CNTN2: variants seen among roughly 807,000 people sequenced by gnomAD.
CNTN2 encodes the protein contactin 2, also known as contactin-2.
Under a neutral mutation model 117.5 loss-of-function variants are expected in CNTN2, and 53 were observed. The ratio of observed to expected loss-of-function variants is 0.45; its 90% CI spans 0.36 to 0.57. The LOEUF (loss-of-function observed/expected upper bound fraction) is 0.57, where lower values mean the gene tolerates loss of function less well. Ranked by LOEUF, CNTN2 falls within the 20% of genes least tolerant of loss-of-function variation. The pLI, the probability that CNTN2 is intolerant of heterozygous loss-of-function variation, is 0.00. For missense variants in CNTN2, 1,106 were observed against 1,404.3 expected (o/e 0.79, Z 3.39); for synonymous variants, 530 against 561.7 (o/e 0.94, Z 0.80).
At chr1:205,050,278 A>AGTGT (rs3073631) in intron 1 of CNTN2, among the ~76,000 whole-genome samples, 20,545 of 145,282 alleles carry the variant, frequency 0.14, 1,496 homozygotes, top group South Asian at 0.21. Flanking sequence ...TAGAGCTCTG[A>AGTGT]GTGTGTGTGT....
At position 205,069,537 on chromosome 1, in the gene CNTN2, C is replaced by T. The variant is rs778894488; in HGVS notation, c.2172C>T (p.Pro724=). 1.9e-6 allele frequency: 3 copies of T among 1,613,870 alleles called. No individual in the cohort carries two copies. Among genetic ancestry groups the T allele is most frequent in the Non-Finnish European group, 2.5e-6 (3 of 1,180,020 alleles). Residue 724 remains proline, a synonymous_variant, in exon 17 of 23, where the codon CCC becomes CCT. Transcript: ENST00000331830. ...PSGLSGGGGA[P]GELIVNWTPM... Reference sequence around the variant, plus strand: ...GACTCAGCGGAGGAGGTGGAGCCCCCGGAGAGCTCATCGTCAACTGGACGG... The same window carrying T: ...GACTCAGCGGAGGAGGTGGAGCCCCTGGAGAGCTCATCGTCAACTGGACGG...
rs1048343223 is a variant in CNTN2, at chr1:205,059,561, T to C, written c.698-22T>C. 2.5e-6 allele frequency: 4 copies of C among 1,611,556 alleles called. No individual in the cohort carries two copies. The highest frequency in any genetic ancestry group is 3.3e-5 in the Admixed American group (2 of 59,984). On this transcript the variant is annotated intron_variant, in intron 6 of 22. Coordinates refer to ENST00000331830, the MANE Select transcript of CNTN2 (RefSeq NM_005076.5). This position sits in a 1 kb window ranked among gnomAD's most constrained non-coding sequence, Gnocchi z 5.6. ...TGACCTGGAGTCATCTGCATCTGAT[T>C]TGTAAAACCCTCTCTCCCCAGATAC...
Position 205,074,624 on chromosome 1 carries a change from C to A in CNTN2, c.*859C>A. 1 of 398,960 alleles carries A rather than the reference C, an allele frequency of 2.5e-6. No individual in the cohort carries two copies. The highest frequency in any genetic ancestry group is 4.4e-6 in the Non-Finnish European group (1 of 226,068). 24.7% of individuals were successfully genotyped at this position (398,960 alleles called of 1,614,324 possible). Reference sequence around the variant, plus strand: ...GTGGGGTCTCCCACCCCTCCAAGACCCATTCTGCACAGTCCCTCCAGGGTT... The same window carrying A: ...GTGGGGTCTCCCACCCCTCCAAGACACATTCTGCACAGTCCCTCCAGGGTT... On this transcript the variant is annotated 3_prime_UTR_variant, in exon 23 of 23. Coordinates refer to ENST00000331830, the MANE Select transcript of CNTN2 (RefSeq NM_005076.5).
chr1:205,058,071 G>A lies in CNTN2; in HGVS notation c.215+6G>A, dbSNP rs370377460. On this transcript the variant is annotated splice_donor_region_variant and intron_variant, in intron 3 of 22. Transcript: ENST00000331830. This position sits in a 1 kb window ranked among gnomAD's most constrained non-coding sequence, Gnocchi z 4.3. ...AGCCCTCCAGCCACCTATCGGTAAG[G>A]CCTCTGCAGTGGGTGCTGGGAGGCC... The A allele has an allele frequency of 7.2e-5, 116 of 1,612,916 alleles. No homozygotes were observed. Among genetic ancestry groups the A allele is most frequent in the Non-Finnish European group, 9.7e-5 (115 of 1,179,680 alleles).
intron 1 of CNTN2, among the ~76,000 whole-genome samples, chr1:205,045,698 T>C (rs1272673525): frequency 6.6e-6 from 1 of 152,098 alleles, no homozygotes; most frequent in Non-Finnish European, 1.5e-5. Flanking sequence ...GAAGAGGTGA[T>C]TGATATGCAG....
intron 2 of CNTN2, among the ~76,000 whole-genome samples, chr1:205,053,756 C>G (rs943498384): frequency 6.6e-6 from 1 of 152,258 alleles, no homozygotes; most frequent in African/African-American, 2.4e-5. Context: ...CCAGACAGGG[C>G]TCTGTAGTCC....
In CNTN2 at chr1:205,059,891, A is replaced by G; in HGVS notation, c.797+209A>G. ...CATATGCCAGGGGCCTTCCATGGCC[A>G]GGATCACTTGGTCTTCCAGCAGTGC... is the stretch of plus-strand genomic sequence containing the variant. On this transcript the variant is annotated intron_variant, in intron 7 of 22. Coordinates refer to ENST00000331830, the MANE Select transcript of CNTN2 (RefSeq NM_005076.5). This position sits in a 1 kb window ranked among gnomAD's most constrained non-coding sequence, Gnocchi z 5.6. 1.7e-6 allele frequency: 1 copy of G among 573,398 alleles called. No homozygotes were observed. Among genetic ancestry groups the G allele is most frequent in the Non-Finnish European group, 3.1e-6 (1 of 319,162 alleles). 35.5% of individuals were successfully genotyped at this position (573,398 alleles called of 1,614,324 possible). A position where few individuals can be genotyped will look rare whatever the true frequency, so the allele number is the denominator to read the frequency against.
In CNTN2 at chr1:205,074,598, G is replaced by A; in HGVS notation, c.*833G>A. The A allele has an allele frequency of 2.5e-6, 1 of 398,788 alleles. No homozygotes were observed. Among genetic ancestry groups the A allele is most frequent in the Non-Finnish European group, 4.4e-6 (1 of 226,104 alleles). 24.7% of individuals were successfully genotyped at this position (398,788 alleles called of 1,614,324 possible). A position where few individuals can be genotyped will look rare whatever the true frequency, so the allele number is the denominator to read the frequency against. On this transcript the variant is annotated 3_prime_UTR_variant, in exon 23 of 23. Coordinates refer to ENST00000331830, the MANE Select transcript of CNTN2 (RefSeq NM_005076.5). ...GCTGGGTGACTAAAGGGCTTGTCTTGGTGGGGTCTCCCACCCCTCCAAGAC... is the reference window on the plus strand; with the variant it reads ...GCTGGGTGACTAAAGGGCTTGTCTTAGTGGGGTCTCCCACCCCTCCAAGAC...
intron 19 of CNTN2, 126 bp from the exon 20 acceptor site, chr1:205,071,821 G>A (rs1654607577): frequency 2.3e-6 from 2 of 864,226 alleles, no homozygotes; most frequent in Admixed American, 6.3e-5. Context: ...TAGTCTCCAG[G>A]TTCTGAGGCC....
chr1:205,071,452 G>C (rs181921100), intron 19 of CNTN2, among the ~76,000 whole-genome samples: 2 of 152,336 alleles, frequency 1.3e-5, no homozygotes, highest in Non-Finnish European at 2.9e-5. Flanking sequence ...GCAAGCCACA[G>C]TGTGGAGATA....
chr1:205,073,266 C>T lies in CNTN2; in HGVS notation c.3013+30C>T, dbSNP rs371758318. 6 of 1,608,450 alleles carry T rather than the reference C, an allele frequency of 3.7e-6. No homozygotes were observed. The highest frequency in any genetic ancestry group is 3.3e-5 in the Admixed American group (2 of 59,818). On this transcript the variant is annotated intron_variant, in intron 22 of 22. Transcript: ENST00000331830. The surrounding 1 kb of genome is among the most constrained non-coding windows in gnomAD (Gnocchi z 6.3). Reference sequence around the variant, plus strand: ...TGCTCCTCCCCTACCCTTATCCCCTCGAGAGATTCAGGATCCACCCAGATA... The same window carrying T: ...TGCTCCTCCCCTACCCTTATCCCCTTGAGAGATTCAGGATCCACCCAGATA...
intron 2 of CNTN2, among the ~76,000 whole-genome samples, chr1:205,056,870 G>T (rs1387516751): frequency 6.6e-6 from 1 of 152,206 alleles, no homozygotes; most frequent in African/African-American, 2.4e-5. Context: ...AGAGGAGTCT[G>T]CCCCATTTGC....
intron 16 of CNTN2, chr1:205,068,063 C>G (rs942656394): frequency 1.3e-5 from 2 of 151,704 alleles, no homozygotes; most frequent in Non-Finnish European, 2.9e-5. Flanking sequence ...TCTTTGGGAG[C>G]AGATGGAATT....
chr1:205,050,358 A>G (rs978854010), intron 1 of CNTN2, among the ~76,000 whole-genome samples: 1 of 151,870 alleles, frequency 6.6e-6, no homozygotes, highest in African/African-American at 2.4e-5. Flanking sequence ...GCCCCCAGGA[A>G]GAACGGAAGA....
rs1653811298 is a variant in CNTN2, at chr1:205,058,910, C to T, written c.488-174C>T. On this transcript the variant is annotated intron_variant, in intron 5 of 22. Coordinates refer to ENST00000331830, the MANE Select transcript of CNTN2 (RefSeq NM_005076.5). The surrounding 1 kb of genome is among the most constrained non-coding windows in gnomAD (Gnocchi z 4.3). The stretch of plus-strand genomic sequence containing the variant: ...CGATCCCTGGCAGACTTAGCGCTCC[C>T]TGAGGGCAGGAATAAAGTCACTTCT... The T allele has an allele frequency of 2.8e-6, 2 of 706,070 alleles. No individual in the cohort carries two copies. The highest frequency in any genetic ancestry group is 3.8e-5 in the South Asian group (2 of 53,234). 43.7% of individuals were successfully genotyped at this position (706,070 alleles called of 1,614,324 possible).
chr1:205,061,254 C>A lies in CNTN2; in HGVS notation c.807C>A (p.Pro269=), dbSNP rs926391066. ...LECFAFGNPV[P]RIKWRKVDGS... is the part of the protein sequence containing the mutation. Reference sequence around the variant, plus strand: ...TTGTCTCTCCTGCCAGCCCTGTCCCCCGGATCAAGTGGCGCAAAGTGGACG... The same window carrying A: ...TTGTCTCTCCTGCCAGCCCTGTCCCACGGATCAAGTGGCGCAAAGTGGACG... The change falls in exon 8 of 23, where the codon CCC becomes CCA. Residue 269 remains proline (P), a synonymous_variant. Coordinates refer to ENST00000331830, the MANE Select transcript of CNTN2 (RefSeq NM_005076.5). The surrounding 1 kb of genome is among the most constrained non-coding windows in gnomAD (Gnocchi z 4.8). The A allele has an allele frequency of 2.5e-6, 4 of 1,609,612 alleles. No individual in the cohort carries two copies. In the South Asian group the frequency reaches 4.4e-5, roughly 18 times the overall value.
At position 205,065,256 on chromosome 1, in the gene CNTN2, T is replaced by C. The variant is rs1178328421; in HGVS notation, c.1689T>C (p.Thr563=). ...FDKPGGHYRR[T]NVKETIGDLT... The stretch of plus-strand genomic sequence containing the variant: ...AGCCTGGAGGGCACTACCGGAGAAC[T>C]AATGTGGTGAGACCTAGGGCCAGAG... The change falls in exon 13 of 23, where the codon ACT becomes ACC. Residue 563 remains threonine, a synonymous_variant. Coordinates refer to ENST00000331830, the MANE Select transcript of CNTN2 (RefSeq NM_005076.5). The surrounding 1 kb of genome is among the most constrained non-coding windows in gnomAD (Gnocchi z 4.1). 5.0e-6 allele frequency: 8 copies of C among 1,614,112 alleles called. No individual in the cohort carries two copies. Among genetic ancestry groups the C allele is most frequent in the Non-Finnish European group, 6.8e-6 (8 of 1,180,014 alleles).
chr1:205,044,241 C>T (rs761624711), intron 1 of CNTN2, among the ~76,000 whole-genome samples: 30 of 152,260 alleles, frequency 2.0e-4, no homozygotes, highest in Non-Finnish European at 4.1e-4. Flanking sequence ...TGCCCAGCAC[C>T]GTGGGGCTTA....
chr1:205,072,928 G>T, intron 21 of CNTN2, 140 bp from the exon 22 acceptor site: 1 of 876,730 alleles, frequency 1.1e-6, no homozygotes. Flanking sequence ...GAGGAGCTTT[G>T]TCAATGGGGA....
Sources: allele counts gnomAD v4.1 joint callset (sites outside exome capture counted in the v4.1 genomes callset), GRCh38; gene constraint gnomAD v4.1.1; non-coding constraint Gnocchi (gnomAD v3.1); transcripts MANE v1.5; gene names NCBI Gene and HGNC (gene_info 2026-07-23, HGNC 2026-07-21).